The following ZNF704 variants were observed in gnomAD, a reference collection of about 807,000 sequenced individuals.
ZNF704 encodes the protein zinc finger protein 704.
ZNF704 carries 10 observed loss-of-function variants against 44.7 expected under a neutral mutation model. The observed-to-expected ratio is 0.22, with a 90% CI of 0.14 to 0.38. The LOEUF (loss-of-function observed/expected upper bound fraction) is 0.38, where lower values mean the gene tolerates loss of function less well. ZNF704 is among the 10% of genes least tolerant of loss of function. The pLI is 1.00. For synonymous variants in ZNF704, 211 were observed against 207.6 expected (o/e 1.02, Z -0.14); for missense variants, 390 against 545.5 (o/e 0.71, Z 2.84).
chr8:80,643,040 G>A lies in ZNF704; in HGVS notation c.1122C>T (p.Ser374=). ...AGTTTTTTAAGCTGTCGTACCTTAA[G>A]CTGACTGTGCCTCTGGGTGGGGAGG... ...VLSSPPRGTV[S]LRKPRGEGKK... is the part of the protein sequence containing the mutation. The change falls in exon 8 of 9, where the codon AGC becomes AGT. Residue 374 remains serine (S), a synonymous_variant. Transcript: ENST00000327835. The A allele has an allele frequency of 6.3e-7, 1 of 1,582,658 alleles. No homozygotes were observed. The highest frequency in any genetic ancestry group is 8.6e-7 in the Non-Finnish European group (1 of 1,162,994).
At chr8:80,734,278 A>G (rs1047511833) in intron 2 of ZNF704, among the ~76,000 whole-genome samples, 1 of 152,238 alleles carries the variant, frequency 6.6e-6, no homozygotes, top group Admixed American at 6.5e-5. Flanking sequence ...AGGATACTCA[A>G]TCAGTCATAT....
chr8:80,739,243 T>C (rs961612076), intron 2 of ZNF704, among the ~76,000 whole-genome samples: 2 of 152,216 alleles, frequency 1.3e-5, no homozygotes, highest in Non-Finnish European at 2.9e-5. Context: ...ACCACGATAG[T>C]CTTTCGAGCA....
intron 2 of ZNF704, among the ~76,000 whole-genome samples, chr8:80,784,280 C>T (rs55840219): frequency 0.023 from 3,433 of 152,200 alleles, 129 homozygotes; most frequent in African/African-American, 0.078. Flanking sequence ...TGGATAAACA[C>T]CAAGGAGTGT....
chr8:80,782,146 G>T (rs534952644), intron 2 of ZNF704, among the ~76,000 whole-genome samples: 1 of 152,308 alleles, frequency 6.6e-6, no homozygotes, highest in African/African-American at 2.4e-5. Context: ...AGTTAGCGCA[G>T]CTGGGATATA....
chr8:80,634,891 G>C lies in ZNF704; in HGVS notation c.*6475C>G, dbSNP rs1276854600. 1 of 152,190 alleles carries C rather than the reference G, an allele frequency of 6.6e-6. No homozygotes were observed. Among genetic ancestry groups the C allele is most frequent in the Non-Finnish European group, 1.5e-5 (1 of 68,042 alleles). 9.4% of individuals were successfully genotyped at this position (152,190 alleles called of 1,614,324 possible). ...CTTGGGGACTTTAATGCTAACAATG[G>C]AGACATTCCAAGGAGTGAAAACAGA... On this transcript the variant is annotated 3_prime_UTR_variant, in exon 9 of 9. Coordinates refer to ENST00000327835, the MANE Select transcript of ZNF704 (RefSeq NM_001033723.3).
chr8:80,664,538 T>C (rs911066208), intron 6 of ZNF704, among the ~76,000 whole-genome samples: 5 of 151,958 alleles, frequency 3.3e-5, no homozygotes, highest in African/African-American at 1.2e-4. Flanking sequence ...CCCAGAGTGT[T>C]TGGGATTACA....
intron 7 of ZNF704, among the ~76,000 whole-genome samples, chr8:80,656,702 G>C (rs537863810): frequency 6.6e-6 from 1 of 152,266 alleles, no homozygotes; most frequent in South Asian, 2.1e-4. Context: ...CAACCCTTGG[G>C]ATTTTTCAGA....
chr8:80,705,030 T>C (rs546348559), intron 2 of ZNF704, among the ~76,000 whole-genome samples: 33 of 152,216 alleles, frequency 2.2e-4, no homozygotes, highest in Middle Eastern at 3.4e-3. Context: ...CTTCTTCAGG[T>C]AGACAGTGTC....
intron 2 of ZNF704, among the ~76,000 whole-genome samples, chr8:80,699,254 A>G (rs1443444339): frequency 6.6e-6 from 1 of 152,230 alleles, no homozygotes; most frequent in Non-Finnish European, 1.5e-5. Context: ...GGATTCAGTA[A>G]CTATTAAATA....
At chr8:80,875,267 G>T (rs950223850), upstream of ZNF704, among the ~76,000 whole-genome samples, 3 of 151,520 alleles carry the variant, frequency 2.0e-5, no homozygotes, top group Non-Finnish European at 4.4e-5. Context: ...TGTAGTAAGT[G>T]GTATTTCTTC....
intron 2 of ZNF704, among the ~76,000 whole-genome samples, chr8:80,769,091 T>C (rs533004578): frequency 5.3e-5 from 8 of 152,140 alleles, no homozygotes; most frequent in Non-Finnish European, 7.4e-5. Context: ...CTGAGTTAGA[T>C]GGTTCATGAT....
intron 2 of ZNF704, among the ~76,000 whole-genome samples, chr8:80,796,089 T>TC: frequency 6.6e-6 from 1 of 152,322 alleles, no homozygotes; most frequent in East Asian, 1.9e-4. Flanking sequence ...GGTGTCTTAG[T>TC]CCATATTCTG....
chr8:80,866,999 G>C (rs1167967629), intron 1 of ZNF704, among the ~76,000 whole-genome samples: 1 of 152,112 alleles, frequency 6.6e-6, no homozygotes, highest in African/African-American at 2.4e-5. Flanking sequence ...CTTGTGTTAT[G>C]GGGCCCTCCA....
chr8:80,703,179 G>A (rs769575166), intron 2 of ZNF704, among the ~76,000 whole-genome samples: 13 of 152,126 alleles, frequency 8.5e-5, no homozygotes, highest in East Asian at 3.9e-4. Flanking sequence ...CTTCCAACTC[G>A]TGAAAATTCT....
chr8:80,748,729 G>A (rs1027398081), intron 2 of ZNF704, among the ~76,000 whole-genome samples: 1 of 152,130 alleles, frequency 6.6e-6, no homozygotes, highest in Non-Finnish European at 1.5e-5. Flanking sequence ...GATTGGTGAG[G>A]GGAACTTGGC....
intron 1 of ZNF704, among the ~76,000 whole-genome samples, chr8:80,870,110 T>G (rs1391936388): frequency 6.6e-6 from 1 of 152,174 alleles, no homozygotes; most frequent in African/African-American, 2.4e-5. Context: ...CTTGTGAGAC[T>G]CTTCACAGAA....
intron 2 of ZNF704, among the ~76,000 whole-genome samples, chr8:80,808,790 A>G (rs1200225576): frequency 6.6e-6 from 1 of 152,234 alleles, no homozygotes; most frequent in Non-Finnish European, 1.5e-5. Context: ...AAAACCACAT[A>G]ATGTATTTAT....
intron 2 of ZNF704, among the ~76,000 whole-genome samples, chr8:80,757,727 G>T (rs73268640): frequency 1.3e-5 from 2 of 151,964 alleles, no homozygotes; most frequent in African/African-American, 2.4e-5. Context: ...TATTTTTACC[G>T]TACCTTTTTA....
intron 1 of ZNF704, among the ~76,000 whole-genome samples, chr8:80,866,952 G>A (rs183523114): frequency 2.6e-4 from 39 of 152,198 alleles, no homozygotes; most frequent in African/African-American, 9.2e-4. Flanking sequence ...TCAGGGTAGG[G>A]CTTGACTTCT....
Sources: gnomAD v4.1 joint callset for allele counts (sites outside exome capture counted in the v4.1 genomes callset) on GRCh38, gnomAD v4.1.1 for gene constraint, MANE v1.5 for transcripts, NCBI Gene and HGNC (gene_info 2026-07-23, HGNC 2026-07-21) for gene names.